Variants in PALD1 observed in about 807,000 individuals in gnomAD.
PALD1 encodes the protein phosphatase domain containing paladin 1.
PALD1 carries 57 observed loss-of-function variants against 96.0 expected under a neutral mutation model. The ratio of observed to expected loss-of-function variants is 0.59; its 90% CI spans 0.48 to 0.74. The LOEUF (loss-of-function observed/expected upper bound fraction) is 0.74. Among genes scored for constraint, PALD1 ranks in the 30% least tolerant of loss-of-function variants. The probability of loss-of-function intolerance (pLI) is 0.00; values close to 1 mark genes in which losing one functional copy is unlikely to be tolerated. For synonymous variants in PALD1, 464 were observed against 473.6 expected (o/e 0.98, Z 0.26); for missense variants, 1,063 against 1,143.7 (o/e 0.93, Z 1.02).
intron 19 of PALD1, 110 bp downstream of exon 19, chr10:70,564,629 G>A (rs996860125): frequency 1.5e-5 from 15 of 1,000,274 alleles, no homozygotes; most frequent in African/African-American, 1.5e-4. Context: ...CGTGACAGGC[G>A]GGAAGAGCCC....
chr10:70,526,384 C>CAGA (rs149934174), intron 2 of PALD1, among the ~76,000 whole-genome samples: 2 of 152,214 alleles, frequency 1.3e-5, no homozygotes, highest in East Asian at 3.9e-4. Context: ...TGGGGGAATG[C>CAGA]GGAGGAGGAG....
At chr10:70,480,266 A>C (rs957730843) in intron 1 of PALD1, among the ~76,000 whole-genome samples, 1 of 152,220 alleles carries the variant, frequency 6.6e-6, no homozygotes, top group Non-Finnish European at 1.5e-5. Context: ...GGCTGAGCAC[A>C]GGACACTCCT....
chr10:70,536,145 A>C (rs1456982795), intron 10 of PALD1, among the ~76,000 whole-genome samples: 1 of 152,120 alleles, frequency 6.6e-6, no homozygotes, highest in Non-Finnish European at 1.5e-5. Context: ...TGGCACGCGT[A>C]GTACCAACTA....
chr10:70,528,068 A>G (rs190625464), intron 2 of PALD1, among the ~76,000 whole-genome samples: 9 of 152,284 alleles, frequency 5.9e-5, no homozygotes, highest in Admixed American at 3.9e-4. Context: ...GCTGAGAATG[A>G]TGGTTTCCAC....
In PALD1 at chr10:70,539,620, C is replaced by G. The variant is rs1351734750; in HGVS notation, c.1766C>G (p.Pro589Arg). 4 of 1,613,046 alleles carry G rather than the reference C, an allele frequency of 2.5e-6. No individual in the cohort carries two copies. The African/African-American group carries it at 5.3e-5, about 22-fold the overall frequency. The change falls in exon 15 of 20, where the codon CCC becomes CGC. Residue 589 changes from proline to arginine, a missense_variant. Coordinates refer to ENST00000263563, the MANE Select transcript of PALD1 (RefSeq NM_014431.3). The surrounding 1 kb of genome is among the most constrained non-coding windows in gnomAD (Gnocchi z 4.5). ...AQLKAHLSEP[P>R]PGKEGPLTYR... ...CTGAAGGCCCATCTAAGCGAGCCTC[C>G]CCCAGGCAAGGAGGGCCCCCTGACC...
chr10:70,515,576 G>GT (rs1422791375), intron 1 of PALD1, among the ~76,000 whole-genome samples: 1 of 152,246 alleles, frequency 6.6e-6, no homozygotes, highest in Non-Finnish European at 1.5e-5. Context: ...GTTGCTGGGA[G>GT]TTCAGTGCAG....
At chr10:70,533,794 C>T (rs1277948776) in intron 7 of PALD1, 128 bp from the exon 8 acceptor site, 1 of 802,996 alleles carries the variant, frequency 1.2e-6, no homozygotes, top group Non-Finnish European at 1.9e-6. Flanking sequence ...GGCCAAGACA[C>T]CTATTGGAGC....
chr10:70,535,754 G>A (rs189657168), intron 10 of PALD1, among the ~76,000 whole-genome samples: 21 of 151,262 alleles, frequency 1.4e-4, no homozygotes, highest in African/African-American at 4.6e-4. Flanking sequence ...AGGCTGGAGC[G>A]CAGTGGTGCA....
intron 1 of PALD1, among the ~76,000 whole-genome samples, chr10:70,514,373 T>C (rs2132324920): frequency 6.6e-6 from 1 of 152,352 alleles, no homozygotes; most frequent in South Asian, 2.1e-4. Context: ...TTTAAACTAT[T>C]TTTTTTCTAG....
At chr10:70,545,340 T>C (rs966225981) in intron 17 of PALD1, among the ~76,000 whole-genome samples, 6 of 151,938 alleles carry the variant, frequency 3.9e-5, no homozygotes, top group African/African-American at 1.5e-4. Flanking sequence ...ATTTATACTT[T>C]CGTAAGACCT....
the PALD1 span, among the ~76,000 whole-genome samples, chr10:70,464,914 C>T: frequency 2.5e-4 from 38 of 151,396 alleles, 1 homozygote; most frequent in East Asian, 6.8e-3. Context: ...AGGAGTGAGC[C>T]GCCATGCCCG....
intron 18 of PALD1, among the ~76,000 whole-genome samples, chr10:70,557,152 C>T (rs1275963059): frequency 6.6e-6 from 1 of 152,240 alleles, no homozygotes; most frequent in Admixed American, 6.5e-5. Context: ...CCAGTAACTC[C>T]CTGTGGAACC....
At position 70,506,518 on chromosome 10, in the gene PALD1, T is replaced by A. The variant is rs12255185; in HGVS notation, c.-29-19405T>A. ...TGCCTGGCACGCTCTTGGAGTCCAG[T>A]ACATGTTACCTGCTGCCATTATTAT... On this transcript the variant is annotated intron_variant, in intron 1 of 19. Transcript: ENST00000263563. Among the ~76,000 whole-genome samples, 1,288 of 152,288 alleles carry A rather than the reference T, an allele frequency of 8.5e-3. 17 individuals carry two copies. Among genetic ancestry groups the A allele is most frequent in the African/African-American group, 0.029 (1,225 of 41,558 alleles).
intron 1 of PALD1, among the ~76,000 whole-genome samples, chr10:70,486,624 G>A (rs1846020299): frequency 6.6e-6 from 1 of 152,114 alleles, no homozygotes; most frequent in Admixed American, 6.6e-5. Context: ...AGCCAGGTGT[G>A]GTGGTGGGTG....
At position 70,566,586 on chromosome 10, in the gene PALD1, A is replaced by G; in HGVS notation, c.2424A>G (p.Ala808=). The change falls in exon 20 of 20, where the codon GCA becomes GCG. Residue 808 remains alanine (A), a synonymous_variant. Coordinates refer to ENST00000263563, the MANE Select transcript of PALD1 (RefSeq NM_014431.3). The stretch of plus-strand genomic sequence containing the variant: ...TGCCTCTGCTCTCCTCCCAGGTGGC[A>G]TCGAAGGCTGGCATCTACGAGATCC... ...RPFSTWMQEV[A]SKAGIYEILN... is the part of the protein sequence containing the mutation. 6.2e-7 allele frequency: 1 copy of G among 1,608,630 alleles called. No individual in the cohort carries two copies.
the PALD1 span, among the ~76,000 whole-genome samples, chr10:70,463,103 G>A: frequency 6.6e-6 from 1 of 152,098 alleles, no homozygotes; most frequent in Admixed American, 6.5e-5. Context: ...TTTGTGGGGT[G>A]AATCAAAAAA....
rs192301351 is a variant in PALD1, at chr10:70,565,427, G to A, written c.2418+908G>A. On this transcript the variant is annotated intron_variant, in intron 19 of 19. Coordinates refer to ENST00000263563, the MANE Select transcript of PALD1 (RefSeq NM_014431.3). ...TAATTACTCCTCTGCCAGGAAGCTGGCCCCTCCAGACCTCACCAGCAGATC... is the reference window on the plus strand; with the variant it reads ...TAATTACTCCTCTGCCAGGAAGCTGACCCCTCCAGACCTCACCAGCAGATC... Among the ~76,000 whole-genome samples the A allele has an allele frequency of 5.1e-4, 78 of 152,318 alleles. 1 individual carries two copies. Among genetic ancestry groups the A allele is most frequent in the African/African-American group, 1.7e-3 (69 of 41,570 alleles).
intron 1 of PALD1, among the ~76,000 whole-genome samples, chr10:70,522,043 A>C (rs967002401): frequency 6.6e-6 from 1 of 152,196 alleles, no homozygotes; most frequent in Non-Finnish European, 1.5e-5. Context: ...TAATAAGATA[A>C]CCCATTAGGC....
chr10:70,470,005 G>C, the PALD1 span, among the ~76,000 whole-genome samples: 1 of 152,136 alleles, frequency 6.6e-6, no homozygotes, highest in Admixed American at 6.5e-5. Context: ...TGTTGTCCAG[G>C]CTGGTCTCAA....
Sources: gnomAD v4.1 joint callset for allele counts (sites outside exome capture counted in the v4.1 genomes callset) on GRCh38, gnomAD v4.1.1 for gene constraint, Gnocchi (gnomAD v3.1) non-coding constraint, MANE v1.5 for transcripts, NCBI Gene and HGNC (gene_info 2026-07-23, HGNC 2026-07-21) for gene names.